RSRC1: variants seen among roughly 807,000 people sequenced by gnomAD.
The protein encoded by RSRC1 is arginine and serine rich coiled-coil 1.
A neutral mutation model predicts 49.1 loss-of-function variants in RSRC1; 39 were observed. The observed-to-expected ratio is 0.79, with a 90% confidence interval of 0.61 to 1.04. The LOEUF (loss-of-function observed/expected upper bound fraction) is 1.04. RSRC1 is among the 50% of genes least tolerant of loss of function. RSRC1 has a pLI of 0.00. For synonymous variants in RSRC1, 143 were observed against 130.8 expected (o/e 1.09, Z -0.63); for missense variants, 388 against 402.4 (o/e 0.96, Z 0.31).
At chr3:158,494,915 G>A (rs1560064955) in intron 7 of RSRC1, among the ~76,000 whole-genome samples, 1 of 152,084 alleles carries the variant, frequency 6.6e-6, no homozygotes, top group African/African-American at 2.4e-5. Flanking sequence ...CCCTGCCTGA[G>A]GCTGTTATGA....
chr3:158,470,321 A>AACAC (rs375305594), intron 7 of RSRC1, among the ~76,000 whole-genome samples: 1,990 of 136,818 alleles, frequency 0.015, 24 homozygotes, highest in Non-Finnish European at 0.021. Flanking sequence ...TGCTCTTAGA[A>AACAC]ACACACACAC....
chr3:158,216,803 AC>A (rs1721968936), intron 4 of RSRC1, among the ~76,000 whole-genome samples: 1 of 151,556 alleles, frequency 6.6e-6, no homozygotes, highest in Non-Finnish European at 1.5e-5. Flanking sequence ...TTCCTTCCAA[AC>A]CGTTGTTCGT....
chr3:158,279,519 C>T (rs561515682), intron 4 of RSRC1, among the ~76,000 whole-genome samples: 12 of 152,324 alleles, frequency 7.9e-5, no homozygotes, highest in East Asian at 1.9e-4. Context: ...TTTGTACTTT[C>T]GGCTCAATAG....
chr3:158,318,026 C>T (rs6784937), intron 5 of RSRC1, among the ~76,000 whole-genome samples: 369 of 149,414 alleles, frequency 2.5e-3, no homozygotes, highest in Non-Finnish European at 4.5e-3. Context: ...TTTGTGTGTG[C>T]GTGTGTGTGT....
At chr3:158,131,586 CA>C (rs1253406811) in intron 3 of RSRC1, among the ~76,000 whole-genome samples, 2 of 152,066 alleles carry the variant, frequency 1.3e-5, no homozygotes, top group African/African-American at 4.8e-5. Flanking sequence ...TTGGTACTCC[CA>C]AAATATTTCC....
At chr3:158,403,830 G>A (rs929382124) in intron 6 of RSRC1, among the ~76,000 whole-genome samples, 6 of 151,512 alleles carry the variant, frequency 4.0e-5, no homozygotes, top group African/African-American at 7.3e-5. Context: ...ATAGCAATTC[G>A]TTATATAAAC....
chr3:158,157,291 T>A (rs922073728), intron 3 of RSRC1, among the ~76,000 whole-genome samples: 2 of 152,260 alleles, frequency 1.3e-5, no homozygotes, highest in South Asian at 2.1e-4. Context: ...TCTTTTTATT[T>A]AATCCTTACA....
intron 4 of RSRC1, among the ~76,000 whole-genome samples, chr3:158,282,182 T>C (rs1726218953): frequency 6.6e-6 from 1 of 152,240 alleles, no homozygotes; most frequent in Non-Finnish European, 1.5e-5. Context: ...AATGGATATA[T>C]ACATAGAAGC....
chr3:158,142,768 C>G (rs554771418), intron 3 of RSRC1, among the ~76,000 whole-genome samples: 3 of 100,802 alleles, frequency 3.0e-5, no homozygotes, highest in Non-Finnish European at 6.6e-5. Context: ...CATACACCTC[C>G]CACCAGGGTC....
chr3:158,256,213 C>G (rs1308232452), intron 4 of RSRC1, among the ~76,000 whole-genome samples: 1 of 152,044 alleles, frequency 6.6e-6, no homozygotes, highest in Non-Finnish European at 1.5e-5. Flanking sequence ...ATAAATAGCT[C>G]TTATTGTTTT....
chr3:158,314,515 A>T (rs1192442218), intron 5 of RSRC1, among the ~76,000 whole-genome samples: 1 of 152,104 alleles, frequency 6.6e-6, no homozygotes, highest in African/African-American at 2.4e-5. Context: ...AAATAAAGCT[A>T]TGCTGGATTT....
intron 6 of RSRC1, among the ~76,000 whole-genome samples, chr3:158,361,783 A>G (rs1317685475): frequency 6.6e-6 from 1 of 152,010 alleles, no homozygotes; most frequent in African/African-American, 2.4e-5. Flanking sequence ...AGCTTTGCAC[A>G]TTGTTTTTCT....
chr3:158,394,154 C>CA (rs752385533), intron 6 of RSRC1, among the ~76,000 whole-genome samples: 2 of 151,882 alleles, frequency 1.3e-5, no homozygotes, highest in Admixed American at 6.6e-5. Flanking sequence ...GGATATACCT[C>CA]AAAAAAATAA....
intron 5 of RSRC1, among the ~76,000 whole-genome samples, chr3:158,341,568 C>T (rs950862003): frequency 2.6e-5 from 4 of 152,316 alleles, no homozygotes; most frequent in East Asian, 1.9e-4. Flanking sequence ...TGTTTGGAAA[C>T]GCCTGGTTGC....
At chr3:158,319,267 C>T (rs1266188744) in intron 5 of RSRC1, among the ~76,000 whole-genome samples, 2 of 152,062 alleles carry the variant, frequency 1.3e-5, no homozygotes, top group African/African-American at 4.8e-5. Context: ...ATCATGAAAT[C>T]GGATAGTTTA....
intron 4 of RSRC1, among the ~76,000 whole-genome samples, chr3:158,231,293 AC>A: frequency 6.6e-6 from 1 of 151,074 alleles, no homozygotes; most frequent in East Asian, 1.9e-4. Flanking sequence ...GTGCCACCAC[AC>A]CCGTCTAATT....
intron 3 of RSRC1, among the ~76,000 whole-genome samples, chr3:158,196,531 C>T (rs1578186217): frequency 6.6e-6 from 1 of 152,130 alleles, no homozygotes; most frequent in African/African-American, 2.4e-5. Flanking sequence ...GAACTTCTAA[C>T]ACTATGTTGA....
At chr3:158,369,853 C>T (rs1731971618) in intron 6 of RSRC1, among the ~76,000 whole-genome samples, 2 of 151,976 alleles carry the variant, frequency 1.3e-5, no homozygotes, top group Admixed American at 6.6e-5. Context: ...TTGAGTTATA[C>T]ATTAATAAAA....
At chr3:158,343,491 T>G (rs1730368733) in intron 5 of RSRC1, among the ~76,000 whole-genome samples, 1 of 151,980 alleles carries the variant, frequency 6.6e-6, no homozygotes, top group South Asian at 2.1e-4. Flanking sequence ...AAAAATCAGG[T>G]GAAACTGACC....
Sources: gnomAD v4.1 joint callset for allele counts (sites outside exome capture counted in the v4.1 genomes callset) on GRCh38, gnomAD v4.1.1 for gene constraint, MANE v1.5 for transcripts, NCBI Gene and HGNC (gene_info 2026-07-23, HGNC 2026-07-21) for gene names.